The following CALCRL variants were observed in gnomAD, a reference collection of about 807,000 sequenced individuals.
The protein encoded by CALCRL is calcitonin gene-related peptide type 1 receptor.
CALCRL carries 27 observed loss-of-function variants against 60.4 expected under a neutral mutation model. The ratio of observed to expected loss-of-function variants is 0.45; its 90% CI spans 0.33 to 0.62. The LOEUF is 0.62. Among genes scored for constraint, CALCRL ranks in the 20% least tolerant of loss-of-function variants. CALCRL has a pLI of 0.03. For synonymous variants in CALCRL, 190 were observed against 182.6 expected, an observed-to-expected ratio of 1.04 and a Z score of -0.33; for missense variants, 424 against 540.7, an observed-to-expected ratio of 0.78 and a Z score of 2.14.
intron 1 of CALCRL, among the ~76,000 whole-genome samples, chr2:187,432,387 A>G (rs547381107): frequency 2.0e-4 from 31 of 152,250 alleles, no homozygotes; most frequent in African/African-American, 7.2e-4. Flanking sequence ...ATGACATTTG[A>G]AAGGCTTTTA....
Position 187,424,684 on chromosome 2 carries a change from C to G in CALCRL, c.-293+23355G>C, listed in dbSNP as rs74809089. Among the ~76,000 whole-genome samples the G allele has an allele frequency of 8.1e-3, 1,231 of 151,954 alleles. 5 individuals carry two copies. The highest frequency in any genetic ancestry group is 0.041 in the Middle Eastern group (12 of 294). ...ATGAAGATGTGCAGTTTACAAAGAGCTGGCTGAAAATTAAGGAGAAATGGC... is the reference window on the plus strand; with the variant it reads ...ATGAAGATGTGCAGTTTACAAAGAGGTGGCTGAAAATTAAGGAGAAATGGC... On this transcript the variant is annotated intron_variant, in intron 1 of 14. Coordinates refer to ENST00000392370, the MANE Select transcript of CALCRL (RefSeq NM_005795.6).
At position 187,383,267 on chromosome 2, in the gene CALCRL, G is replaced by T. The variant is rs754406460; in HGVS notation, c.90C>A (p.Asp30Glu). Reference protein sequence around the residue: ...VTAELEESPEDSIQLGVTRNK... With the variant: ...VTAELEESPEESIQLGVTRNK... ...TTCTAGTAACTCCCAACTGAATTGA[G>T]TCCTCAGGACTCTCTTCTAATTCTG... The change falls in exon 5 of 15, where the codon GAC (aspartate) becomes GAA (glutamate). Residue 30 changes from aspartate (D) to glutamate (E), a missense_variant. By Grantham distance (45) the Asp-to-Glu change is conservative (BLOSUM62 2). Coordinates refer to ENST00000392370, the MANE Select transcript of CALCRL (RefSeq NM_005795.6). The T allele has an allele frequency of 1.2e-6, 2 of 1,611,580 alleles. No individual in the cohort carries two copies. Among genetic ancestry groups the T allele is most frequent in the South Asian group, 2.2e-5 (2 of 90,770 alleles).
intron 12 of CALCRL, among the ~76,000 whole-genome samples, chr2:187,352,877 T>G (rs757593718): frequency 6.6e-6 from 1 of 151,930 alleles, no homozygotes; most frequent in East Asian, 1.9e-4. Flanking sequence ...AATCCTCTTT[T>G]ACTTATGAGG....
chr2:187,360,432 A>G lies in CALCRL; in HGVS notation c.781+166T>C, dbSNP rs200929477. 2.6e-5 allele frequency among the ~76,000 whole-genome samples: 4 copies of G among 152,218 alleles called. No individual in the cohort carries two copies. The East Asian group carries it at 7.7e-4, about 29-fold the overall frequency. On this transcript the variant is annotated intron_variant, in intron 10 of 14. Transcript: ENST00000392370. ...ACTGAAAACAATGGATGAGTCAGTG[A>G]TACTTTGCTTAAAATGTTGCAATTT...
chr2:187,356,723 G>C (rs1235194129), intron 12 of CALCRL, among the ~76,000 whole-genome samples: 2 of 152,122 alleles, frequency 1.3e-5, no homozygotes, highest in Non-Finnish European at 1.5e-5. Context: ...GCTACCTACA[G>C]AATGGGAGAA....
intron 8 of CALCRL, among the ~76,000 whole-genome samples, chr2:187,374,273 C>G (rs906811070): frequency 2.0e-5 from 3 of 152,064 alleles, no homozygotes; most frequent in African/African-American, 7.2e-5. Context: ...AAGACGGTTT[C>G]TCATGTTTTA....
intron 1 of CALCRL, among the ~76,000 whole-genome samples, chr2:187,412,421 T>C (rs542119483): frequency 6.6e-6 from 1 of 152,290 alleles, no homozygotes; most frequent in East Asian, 1.9e-4. Flanking sequence ...GCATCTGACT[T>C]GGGCAACCTT....
intron 8 of CALCRL, among the ~76,000 whole-genome samples, chr2:187,366,532 C>A (rs953074730): frequency 1.3e-5 from 2 of 151,778 alleles, no homozygotes; most frequent in African/African-American, 2.4e-5. Context: ...CATAAATATG[C>A]ACAGTTATTT....
At chr2:187,430,498 G>C (rs1473985121) in intron 1 of CALCRL, among the ~76,000 whole-genome samples, 1 of 152,124 alleles carries the variant, frequency 6.6e-6, no homozygotes, top group African/African-American at 2.4e-5. Context: ...GCAGCTATGA[G>C]GTGTAACATT....
intron 1 of CALCRL, among the ~76,000 whole-genome samples, chr2:187,433,111 ATTT>A (rs1311338857): frequency 5.3e-5 from 8 of 152,118 alleles, no homozygotes; most frequent in African/African-American, 1.7e-4. Flanking sequence ...TCTAAAAGCT[ATTT>A]CAGAAAAAAT....
intron 1 of CALCRL, among the ~76,000 whole-genome samples, chr2:187,420,180 G>A (rs759196762): frequency 4.1e-4 from 63 of 152,204 alleles, no homozygotes; most frequent in Admixed American, 1.4e-3. Context: ...GTGCTTAAGC[G>A]ATCACAGCTT....
intron 1 of CALCRL, among the ~76,000 whole-genome samples, chr2:187,416,511 A>C (rs936784946): frequency 6.6e-6 from 1 of 152,288 alleles, no homozygotes; most frequent in African/African-American, 2.4e-5. Flanking sequence ...AAAAGGAGAA[A>C]AAATAAAAAT....
In CALCRL at chr2:187,344,340, T is replaced by G. The variant is rs1389845821; in HGVS notation, c.*1844A>C. 1 of 151,664 alleles carries G rather than the reference T, an allele frequency of 6.6e-6. No homozygotes were observed. Among genetic ancestry groups the G allele is most frequent in the East Asian group, 1.9e-4 (1 of 5,192 alleles). The allele number at this position is 151,664 out of a possible 1,614,324, so 9.4% of individuals were successfully genotyped here. On this transcript the variant is annotated 3_prime_UTR_variant, in exon 15 of 15. Coordinates refer to ENST00000392370, the MANE Select transcript of CALCRL (RefSeq NM_005795.6). ...AATTTAGATAATTTGTCTTAGCAAT[T>G]TGAAATAAGTTCTGAACTCACCATC...
At chr2:187,446,303 AT>A (rs1691180424) in intron 1 of CALCRL, among the ~76,000 whole-genome samples, 1 of 151,704 alleles carries the variant, frequency 6.6e-6, no homozygotes, top group Non-Finnish European at 1.5e-5. Flanking sequence ...AATAATATGA[AT>A]TTTTATTTCA....
rs2105794721 is a variant in CALCRL, at chr2:187,387,714, T to A, written c.-250A>T. ...AATCACATTTTCTCTTGGATCATAT[T>A]TGACATTGTCTTTAAGAATTTCTTA... is the stretch of plus-strand genomic sequence containing the variant. On this transcript the variant is annotated 5_prime_UTR_variant, in exon 2 of 15. Transcript: ENST00000392370. The A allele has an allele frequency of 2.5e-6, 1 of 397,178 alleles. No homozygotes were observed. The highest frequency in any genetic ancestry group is 4.4e-6 in the Non-Finnish European group (1 of 225,198). The allele number at this position is 397,178 out of a possible 1,614,324, so 24.6% of individuals were successfully genotyped here. A position where few individuals can be genotyped will look rare whatever the true frequency, so the allele number is the denominator to read the frequency against.
chr2:187,379,551 ACT>A (rs1687905436), intron 7 of CALCRL, among the ~76,000 whole-genome samples: 1 of 152,056 alleles, frequency 6.6e-6, no homozygotes, highest in Non-Finnish European at 1.5e-5. Context: ...CATGGTTTTC[ACT>A]TTTTTATTTT....
At chr2:187,362,707 C>CAAAATATTTA (rs1489531803) in intron 9 of CALCRL, among the ~76,000 whole-genome samples, 1 of 151,854 alleles carries the variant, frequency 6.6e-6, no homozygotes, top group African/African-American at 2.4e-5. Flanking sequence ...ATAGCTTACA[C>CAAAATATTTA]AAAATATTTA....
chr2:187,342,768 A>T lies in CALCRL; in HGVS notation c.*3416T>A, dbSNP rs1428923816. On this transcript the variant is annotated 3_prime_UTR_variant, in exon 15 of 15. Transcript: ENST00000392370. ...TTGCACTTATTTATAAATTTATTTC[A>T]ACATTTTTAATATTCTCATATAGTG... Among the ~76,000 whole-genome samples the T allele has an allele frequency of 6.6e-6, 1 of 151,622 alleles. No homozygotes were observed. The highest frequency in any genetic ancestry group is 1.5e-5 in the Non-Finnish European group (1 of 67,604).
At chr2:187,382,532 G>A (rs920396789) in intron 5 of CALCRL, among the ~76,000 whole-genome samples, 3 of 152,058 alleles carry the variant, frequency 2.0e-5, no homozygotes, top group African/African-American at 7.2e-5. Flanking sequence ...TTGATATTTT[G>A]AAGATAACCC....
Sources: allele counts gnomAD v4.1 joint callset (sites outside exome capture counted in the v4.1 genomes callset), GRCh38; gene constraint gnomAD v4.1.1; transcripts MANE v1.5; gene names NCBI Gene and HGNC (gene_info 2026-07-23, HGNC 2026-07-21).